Variants in ZNF713 observed in about 807,000 individuals in gnomAD.
ZNF713 encodes zinc finger protein 713.
In ZNF713, 21 loss-of-function variants were observed where a neutral mutation model predicts 28.7. The ratio of observed to expected loss-of-function variants is 0.73; its 90% CI spans 0.52 to 1.05. The LOEUF (loss-of-function observed/expected upper bound fraction) is 1.05, where lower values mean the gene tolerates loss of function less well. ZNF713 is among the 50% of genes least tolerant of loss of function. The probability of loss-of-function intolerance (pLI) is 0.00; values close to 1 mark genes in which losing one functional copy is unlikely to be tolerated. For synonymous variants in ZNF713, 167 were observed against 178.0 expected (o/e 0.94, Z 0.49); for missense variants, 458 against 532.4 (o/e 0.86, Z 1.37).
chr7:55,889,836 A>G (rs1164301395), intron 1 of ZNF713, among the ~76,000 whole-genome samples: 1 of 152,186 alleles, frequency 6.6e-6, no homozygotes, highest in East Asian at 1.9e-4. Context: ...AGCTGTGAAG[A>G]CCATGCTTTT....
At chr7:55,915,951 A>T (rs928175927) in intron 4 of ZNF713, among the ~76,000 whole-genome samples, 1 of 152,230 alleles carries the variant, frequency 6.6e-6, no homozygotes, top group Admixed American at 6.5e-5. Context: ...AAAACCAGTT[A>T]AGCTACTGTA....
rs527509370 is a variant in ZNF713, at chr7:55,935,019, G to A, written c.308-3963G>A. 8.6e-5 allele frequency among the ~76,000 whole-genome samples: 13 copies of A among 151,784 alleles called. No homozygotes were observed. The East Asian group carries it at 2.1e-3, about 25-fold the overall frequency. ...TTCTCCTGCCTCAGCCTCCTGAGTAGCTGGGATTACAGACATGCACCACCA... is the reference window on the plus strand; with the variant it reads ...TTCTCCTGCCTCAGCCTCCTGAGTAACTGGGATTACAGACATGCACCACCA... On this transcript the variant is annotated intron_variant, in intron 6 of 6. Transcript: ENST00000429591.
rs1786480168 is a variant in ZNF713, at chr7:55,942,090, T to C, written c.*2084T>C. 1 of 152,098 alleles carries C rather than the reference T, an allele frequency of 6.6e-6. No homozygotes were observed. The highest frequency in any genetic ancestry group is 1.5e-5 in the Non-Finnish European group (1 of 68,014). The allele number at this position is 152,098 out of a possible 1,614,324, so 9.4% of individuals were successfully genotyped here. A position where few individuals can be genotyped will look rare whatever the true frequency, so the allele number is the denominator to read the frequency against. Reference sequence around the variant, plus strand: ...AAAATAATGACCAGAGACTAAGAATTCCCATGCCACCCCGTATCACTGTGG... The same window carrying C: ...AAAATAATGACCAGAGACTAAGAATCCCCATGCCACCCCGTATCACTGTGG... On this transcript the variant is annotated 3_prime_UTR_variant, in exon 7 of 7. Transcript: ENST00000429591.
In ZNF713 at chr7:55,922,768, A is replaced by G. The variant is rs1446725017; in HGVS notation, c.88-394A>G. Among the ~76,000 whole-genome samples, 5 of 152,326 alleles carry G rather than the reference A, an allele frequency of 3.3e-5. No individual in the cohort carries two copies. In the East Asian group the frequency reaches 7.7e-4, roughly 24 times the overall value. Reference sequence around the variant, plus strand: ...CCATTACACACTTAATAGACCAAATATAGAGTAAATTTAACTTTTATAGGC... The same window carrying G: ...CCATTACACACTTAATAGACCAAATGTAGAGTAAATTTAACTTTTATAGGC... On this transcript the variant is annotated intron_variant, in intron 4 of 6. Transcript: ENST00000429591.
intron 6 of ZNF713, among the ~76,000 whole-genome samples, chr7:55,936,654 G>T (rs986255570): frequency 5.9e-5 from 9 of 152,130 alleles, no homozygotes; most frequent in Admixed American, 2.6e-4. Context: ...GACTTAAATG[G>T]CCTTTGTGGG....
rs1786427510 is a variant in ZNF713, at chr7:55,939,801, G to T, written c.1127G>T (p.Gly376Val). The change falls in exon 7 of 7, where the codon GGC (glycine) becomes GTC (valine). Residue 376 changes from glycine to valine, a missense_variant. Gly to Val is a moderately radical substitution (Grantham distance 109). Coordinates refer to ENST00000429591, the MANE Select transcript of ZNF713 (RefSeq NM_182633.3). ...AAACCTTACGAATGTGGTTTCTGTG[G>T]CAAAGCCTTCAGTCAGAGGACACAT... Reference protein sequence around the residue: ...GEKPYECGFCGKAFSQRTHLN... With the variant: ...GEKPYECGFCVKAFSQRTHLN... The T allele has an allele frequency of 6.2e-7, 1 of 1,614,110 alleles. No homozygotes were observed.
rs560065759 is a variant in ZNF713 at position 55,913,577 on chromosome 7, A to C, written c.87+854A>C. ...TATGAATGCAACAAGAGTTGTTTCT[A>C]TGAAAACTAGTCGAATGCTTTGGAA... On this transcript the variant is annotated intron_variant, in intron 4 of 6. Transcript: ENST00000429591. 8.5e-5 allele frequency among the ~76,000 whole-genome samples: 13 copies of C among 152,314 alleles called. No homozygotes were observed. In the East Asian group the frequency reaches 2.1e-3, roughly 25 times the overall value.
intron 2 of ZNF713, 149 bp from the exon 3 acceptor site, chr7:55,911,467 A>G (rs139136793): frequency 6.6e-6 from 1 of 152,232 alleles, no homozygotes; most frequent in South Asian, 2.1e-4. Context: ...GAGAAATTCT[A>G]AAAGTGCTTT....
chr7:55,933,223 T>C (rs11971562), intron 6 of ZNF713, among the ~76,000 whole-genome samples: 67,205 of 151,714 alleles, frequency 0.44, 15,226 homozygotes, highest in East Asian at 0.58. Context: ...GGTGAAAAAG[T>C]GAGACCCTGC....
chr7:55,922,875 G>A (rs1786018757), intron 4 of ZNF713, among the ~76,000 whole-genome samples: 1 of 152,094 alleles, frequency 6.6e-6, no homozygotes, highest in African/African-American at 2.4e-5. Flanking sequence ...ATATCTCTGA[G>A]GTGTCCTTGT....
rs1231768960 is a variant in ZNF713 at position 55,939,098 on chromosome 7, A to G, written c.424A>G (p.Ile142Val). 2.5e-6 allele frequency: 4 copies of G among 1,614,024 alleles called. No homozygotes were observed. In the Admixed American group the frequency reaches 6.7e-5, roughly 27 times the overall value. ...RLAGDSFWYS[I>V]LGGLWDFDYH... ...CGCAGGAGACAGCTTCTGGTACTCC[A>G]TCCTAGGAGGACTCTGGGATTTTGA... The change falls in exon 7 of 7, where the codon ATC becomes GTC. Residue 142 changes from isoleucine to valine, a missense_variant. Physicochemically the swap from Ile to Val is conservative, Grantham distance 29. Transcript: ENST00000429591.
At chr7:55,923,515 C>G in intron 5 of ZNF713, 92 bp from the exon 6 acceptor site, 1 of 1,236,730 alleles carries the variant, frequency 8.1e-7, no homozygotes, top group Non-Finnish European at 1.1e-6. Flanking sequence ...GTCTCCCCTC[C>G]AGAGGCTCTA....
rs565327273 is a variant in ZNF713 at position 55,929,881 on chromosome 7, A to G, written c.307+6182A>G. 3.9e-5 allele frequency among the ~76,000 whole-genome samples: 6 copies of G among 152,336 alleles called. No individual in the cohort carries two copies. The South Asian group carries it at 1.2e-3, about 32-fold the overall frequency. On this transcript the variant is annotated intron_variant, in intron 6 of 6. Coordinates refer to ENST00000429591, the MANE Select transcript of ZNF713 (RefSeq NM_182633.3). ...ATTAAAGAGGAGATTCATATATTCA[A>G]TACACACAAATCCAAAAATTCTGCA...
chr7:55,910,589 A>G (rs1785767364), intron 2 of ZNF713, among the ~76,000 whole-genome samples: 1 of 152,000 alleles, frequency 6.6e-6, no homozygotes, highest in Admixed American at 6.6e-5. Context: ...TCTGCCTCCC[A>G]GGCTGAAGCG....
At chr7:55,901,433 A>G in intron 1 of ZNF713, among the ~76,000 whole-genome samples, 1 of 152,230 alleles carries the variant, frequency 6.6e-6, no homozygotes, top group East Asian at 1.9e-4. Flanking sequence ...GGGTGGAGAC[A>G]CAGCCAAACC....
chr7:55,923,689 T>G lies in ZNF713; in HGVS notation c.297T>G (p.Asp99Glu), dbSNP rs1786041036. ...EWVIERDSLLDTHPDGENRPE... is the reference protein window; with the variant it reads ...EWVIERDSLLETHPDGENRPE... ...TGATAGAAAGAGACAGCCTGCTGGA[T>G]ACTCATCCAGGTAAGTGCACACTCT... The change falls in exon 6 of 7, where the codon GAT (aspartate) becomes GAG (glutamate). Residue 99 changes from aspartate to glutamate, a missense_variant. Asp to Glu is a conservative substitution (Grantham distance 45). Coordinates refer to ENST00000429591, the MANE Select transcript of ZNF713 (RefSeq NM_182633.3). 2 of 1,611,702 alleles carry G rather than the reference T, an allele frequency of 1.2e-6. No individual in the cohort carries two copies. Among genetic ancestry groups the G allele is most frequent in the African/African-American group, 1.3e-5 (1 of 74,874 alleles).
intron 1 of ZNF713, among the ~76,000 whole-genome samples, chr7:55,888,238 A>G (rs1337788114): frequency 6.6e-6 from 1 of 152,040 alleles, no homozygotes; most frequent in African/African-American, 2.4e-5. Flanking sequence ...TTCATTGAGT[A>G]TGATATTTGT....
intron 6 of ZNF713, among the ~76,000 whole-genome samples, chr7:55,935,571 T>G (rs2116269323): frequency 6.6e-6 from 1 of 152,270 alleles, no homozygotes; most frequent in East Asian, 1.9e-4. Context: ...CATATCAAAG[T>G]AGGTGTAGGA....
At chr7:55,887,842 C>T (rs1432185385) in intron 1 of ZNF713, among the ~76,000 whole-genome samples, 162 bp downstream of exon 1, 528 of 4,940 alleles carry the variant, frequency 0.11, 135 homozygotes, top group East Asian at 0.38. Flanking sequence ...GGGCGGCGGG[C>T]GGCGGCGGCG....
Sources: gnomAD v4.1 joint callset for allele counts (sites outside exome capture counted in the v4.1 genomes callset) on GRCh38, gnomAD v4.1.1 for gene constraint, MANE v1.5 for transcripts, NCBI Gene and HGNC (gene_info 2026-07-23, HGNC 2026-07-21) for gene names.